B4GALT6: variants seen among roughly 807,000 people sequenced by gnomAD.
B4GALT6 encodes beta-1,4-galactosyltransferase 6.
Under a neutral mutation model 46.3 loss-of-function variants are expected in B4GALT6, and 14 were observed. The observed-to-expected ratio is 0.30, with a 90% CI of 0.20 to 0.47. The LOEUF is 0.47. Ranked by LOEUF, B4GALT6 falls within the 20% of genes least tolerant of loss-of-function variation. The probability of loss-of-function intolerance (pLI) is 0.99; values close to 1 mark genes in which losing one functional copy is unlikely to be tolerated. For synonymous variants in B4GALT6, 168 were observed against 162.0 expected (o/e 1.04, Z -0.28); for missense variants, 386 against 480.1 (o/e 0.80, Z 1.83).
chr18:31,724,037 G>A, the B4GALT6 span, among the ~76,000 whole-genome samples: 56 of 152,178 alleles, frequency 3.7e-4, 1 homozygote, highest in African/African-American at 4.8e-4. Context: ...GCAGAGGGGA[G>A]GGGAGGGGTG....
At chr18:31,687,278 A>G (rs1447958727), upstream of B4GALT6, among the ~76,000 whole-genome samples, 1 of 152,248 alleles carries the variant, frequency 6.6e-6, no homozygotes, top group Non-Finnish European at 1.5e-5. Context: ...GGTAAGCACC[A>G]TTCGAGTATT....
chr18:31,680,417 G>A (rs1598935009), intron 1 of B4GALT6, among the ~76,000 whole-genome samples: 1 of 152,200 alleles, frequency 6.6e-6, no homozygotes, highest in Non-Finnish European at 1.5e-5. Context: ...CCCACACTTT[G>A]ACTACCCATC....
the B4GALT6 span, among the ~76,000 whole-genome samples, chr18:31,720,536 A>G: frequency 6.6e-6 from 1 of 152,248 alleles, no homozygotes; most frequent in Admixed American, 6.5e-5. Context: ...GGAACCAGGG[A>G]GTTCCCAAAA....
At chr18:31,653,607 A>G (rs1181106084) in intron 3 of B4GALT6, among the ~76,000 whole-genome samples, 2 of 151,506 alleles carry the variant, frequency 1.3e-5, no homozygotes, top group Non-Finnish European at 2.9e-5. Context: ...GCACTTGGCT[A>G]ATTTTTGTGT....
the B4GALT6 span, among the ~76,000 whole-genome samples, chr18:31,712,287 A>ACTTTTTTTT: frequency 1.8e-4 from 15 of 84,630 alleles, no homozygotes; most frequent in African/African-American, 6.1e-4. Context: ...CTGGGACGTT[A>ACTTTTTTTT]TTTTTTTTTT....
At chr18:31,720,377 AG>A in the B4GALT6 span, among the ~76,000 whole-genome samples, 1 of 152,262 alleles carries the variant, frequency 6.6e-6, no homozygotes. Context: ...GATTACCAGC[AG>A]GCTCCCTGAG....
intron 3 of B4GALT6, 95 bp downstream of exon 3, chr18:31,657,881 A>G: frequency 1.1e-6 from 1 of 870,006 alleles, no homozygotes. Context: ...ACCCAGGTGC[A>G]CATGACCTGC....
rs148683745 is a variant in B4GALT6, at chr18:31,656,030, G to A, written c.346+1946C>T. Among the ~76,000 whole-genome samples, 58 of 152,224 alleles carry A rather than the reference G, an allele frequency of 3.8e-4. 1 individual carries two copies. The highest frequency in any genetic ancestry group is 3.4e-3 in the Middle Eastern group (1 of 294). ...GTTAGAAATGCAGATTCTCAGGCCC[G>A]CTCCAGACCTGCTGAGTCTGAAACT... On this transcript the variant is annotated intron_variant, in intron 3 of 8. Coordinates refer to ENST00000306851, the MANE Select transcript of B4GALT6 (RefSeq NM_004775.5).
At chr18:31,701,755 T>C in the B4GALT6 span, among the ~76,000 whole-genome samples, 1 of 152,190 alleles carries the variant, frequency 6.6e-6, no homozygotes. Flanking sequence ...AATGTTACTA[T>C]ACAAAATTTA....
Position 31,626,982 on chromosome 18 carries a change from T to C in B4GALT6, c.899+17A>G. 1.3e-6 allele frequency: 2 copies of C among 1,595,284 alleles called. No individual in the cohort carries two copies. Among genetic ancestry groups the C allele is most frequent in the Non-Finnish European group, 1.7e-6 (2 of 1,173,492 alleles). ...TTATAAAAATTCTATTAGTGAACAA[T>C]TTGTACCTCAACATACCTGTTCCAA... On this transcript the variant is annotated intron_variant, in intron 7 of 8. Coordinates refer to ENST00000306851, the MANE Select transcript of B4GALT6 (RefSeq NM_004775.5).
At chr18:31,644,814 G>C (rs1471028303) in intron 4 of B4GALT6, among the ~76,000 whole-genome samples, 11 of 152,208 alleles carry the variant, frequency 7.2e-5, no homozygotes, top group Admixed American at 7.2e-4. Flanking sequence ...CTGAAGCCAA[G>C]AAGAGCCCAA....
chr18:31,724,283 G>C, the B4GALT6 span: 1 of 408,492 alleles, frequency 2.4e-6, no homozygotes, highest in Non-Finnish European at 4.2e-6. Flanking sequence ...TGCGTCTCTG[G>C]GCCCCACGGG....
the B4GALT6 span, among the ~76,000 whole-genome samples, chr18:31,712,305 T>A: frequency 6.7e-5 from 9 of 134,504 alleles, no homozygotes; most frequent in South Asian, 2.5e-4. Flanking sequence ...TTTTTTTTTT[T>A]TTTTTTTTTT....
intron 3 of B4GALT6, among the ~76,000 whole-genome samples, chr18:31,655,815 A>C (rs935088411): frequency 6.6e-6 from 1 of 152,224 alleles, no homozygotes; most frequent in African/African-American, 2.4e-5. Context: ...CTGCAATAAC[A>C]AAGTAATGAC....
chr18:31,695,291 T>TA, the B4GALT6 span, among the ~76,000 whole-genome samples: 64,751 of 144,360 alleles, frequency 0.45, 16,095 homozygotes, highest in South Asian at 0.64. Flanking sequence ...TCCCTGAAAT[T>TA]AAAAAAAAAA....
intron 1 of B4GALT6, among the ~76,000 whole-genome samples, chr18:31,677,233 T>C (rs1262096565): frequency 3.3e-5 from 5 of 152,254 alleles, no homozygotes; most frequent in African/African-American, 1.2e-4. Flanking sequence ...CTAAACATTT[T>C]GCTGTGCTTC....
chr18:31,668,499 G>A (rs978889290), intron 1 of B4GALT6, among the ~76,000 whole-genome samples: 2 of 152,002 alleles, frequency 1.3e-5, no homozygotes, highest in African/African-American at 4.8e-5. Context: ...GACCATATGG[G>A]GGAAAAACTT....
At chr18:31,629,673 C>T (rs1256138400) in intron 6 of B4GALT6, among the ~76,000 whole-genome samples, 1 of 149,022 alleles carries the variant, frequency 6.7e-6, no homozygotes, top group Non-Finnish European at 1.5e-5. Context: ...CACAGTGAAA[C>T]CCCGTCTCTA....
At chr18:31,698,666 A>C in the B4GALT6 span, among the ~76,000 whole-genome samples, 131,384 of 151,572 alleles carry the variant, frequency 0.87, 57,063 homozygotes, top group Non-Finnish European at 0.9. Flanking sequence ...CACAACATGT[A>C]CCAATAAAAA....
Sources: gnomAD v4.1 joint callset for allele counts (sites outside exome capture counted in the v4.1 genomes callset) on GRCh38, gnomAD v4.1.1 for gene constraint, MANE v1.5 for transcripts, NCBI Gene and HGNC (gene_info 2026-07-23, HGNC 2026-07-21) for gene names.